The following LCLAT1 variants were observed in gnomAD, a reference collection of about 807,000 sequenced individuals.
LCLAT1 encodes the protein lysocardiolipin acyltransferase 1, also known as 1-AGP acyltransferase 8.
Under a neutral mutation model 30.7 loss-of-function variants are expected in LCLAT1, and 11 were observed. That is an observed-to-expected ratio of 0.36 (90% CI 0.23 to 0.59). The LOEUF is 0.59. Ranked by LOEUF, LCLAT1 falls within the 20% of genes least tolerant of loss-of-function variation. The pLI is 0.77. For missense variants in LCLAT1, 402 were observed against 458.6 expected, an observed-to-expected ratio of 0.88 and a Z score of 1.13; for synonymous variants, 155 against 151.3, an observed-to-expected ratio of 1.02 and a Z score of -0.18.
At chr2:30,562,649 A>G (rs535532160) in intron 4 of LCLAT1, among the ~76,000 whole-genome samples, 197 of 152,326 alleles carry the variant, frequency 1.3e-3, no homozygotes, top group Non-Finnish European at 1.9e-3. Context: ...CATATTATTC[A>G]TACTTGCCAT....
intron 1 of LCLAT1, among the ~76,000 whole-genome samples, chr2:30,461,804 T>C (rs964737862): frequency 4.9e-5 from 7 of 143,900 alleles, no homozygotes; most frequent in Non-Finnish European, 7.6e-5. Context: ...GGAGTCTCGC[T>C]CTGTCGCCCA....
chr2:30,467,790 AT>A (rs1442508664), intron 1 of LCLAT1, among the ~76,000 whole-genome samples: 4 of 151,584 alleles, frequency 2.6e-5, no homozygotes, highest in African/African-American at 9.7e-5. Context: ...GGGTTGTTTG[AT>A]TTTTTTCTTG....
chr2:30,531,940 T>C (rs936037605), intron 2 of LCLAT1, among the ~76,000 whole-genome samples: 3 of 152,188 alleles, frequency 2.0e-5, no homozygotes, highest in African/African-American at 2.4e-5. Context: ...AAATACAGCA[T>C]TGTCAGTTCT....
chr2:30,625,971 C>T (rs1386087739), intron 5 of LCLAT1, among the ~76,000 whole-genome samples: 1 of 152,160 alleles, frequency 6.6e-6, no homozygotes, highest in Non-Finnish European at 1.5e-5. Flanking sequence ...TAAGGGCAAG[C>T]ATTTCTTTTT....
At chr2:30,474,765 C>T (rs761164179) in intron 1 of LCLAT1, among the ~76,000 whole-genome samples, 3 of 151,412 alleles carry the variant, frequency 2.0e-5, no homozygotes, top group Non-Finnish European at 2.9e-5. Flanking sequence ...CCTCCTGGCA[C>T]AGCCTCCTGT....
chr2:30,461,246 A>G (rs1171869622), intron 1 of LCLAT1, among the ~76,000 whole-genome samples: 1 of 152,150 alleles, frequency 6.6e-6, no homozygotes, highest in Non-Finnish European at 1.5e-5. Context: ...ATTGAGTTGA[A>G]TTGTAGGACA....
intron 5 of LCLAT1, among the ~76,000 whole-genome samples, chr2:30,618,317 A>C (rs538026179): frequency 7.9e-5 from 12 of 152,294 alleles, no homozygotes; most frequent in African/African-American, 2.9e-4. Flanking sequence ...ACTAGTTTTT[A>C]TTAGGATTAC....
chr2:30,536,968 C>G (rs970114994), intron 3 of LCLAT1, among the ~76,000 whole-genome samples: 2 of 152,154 alleles, frequency 1.3e-5, no homozygotes, highest in Admixed American at 1.3e-4. Flanking sequence ...ATGCTGCCTG[C>G]AAGAAACTGA....
chr2:30,566,668 G>T (rs991006147), intron 4 of LCLAT1, among the ~76,000 whole-genome samples: 3 of 152,150 alleles, frequency 2.0e-5, no homozygotes, highest in Non-Finnish European at 2.9e-5. Context: ...ATCAATTTCG[G>T]AATGCAGCTG....
intron 4 of LCLAT1, 50 bp from the exon 5 acceptor site, chr2:30,568,010 G>C: frequency 2.1e-6 from 2 of 969,100 alleles, no homozygotes; most frequent in East Asian, 5.0e-5. Flanking sequence ...TCCTTACCTT[G>C]TTTATTTCCC....
intron 2 of LCLAT1, among the ~76,000 whole-genome samples, chr2:30,528,890 A>G (rs778051121): frequency 5.3e-5 from 8 of 152,220 alleles, no homozygotes; most frequent in Non-Finnish European, 1.0e-4. Flanking sequence ...TAGCTAGGTT[A>G]CAGAAAAATT....
intron 1 of LCLAT1, among the ~76,000 whole-genome samples, chr2:30,485,072 A>G (rs1683498501): frequency 6.6e-6 from 1 of 152,166 alleles, no homozygotes; most frequent in African/African-American, 2.4e-5. Context: ...TGGTTTTTGT[A>G]ATATTGTTAA....
intron 5 of LCLAT1, among the ~76,000 whole-genome samples, chr2:30,631,699 G>T (rs1371014699): frequency 6.6e-6 from 1 of 152,176 alleles, no homozygotes; most frequent in East Asian, 1.9e-4. Flanking sequence ...TGTTTTCACT[G>T]AAGAAGCTTG....
intron 1 of LCLAT1, among the ~76,000 whole-genome samples, chr2:30,459,307 C>T (rs1351324533): frequency 3.3e-5 from 5 of 152,132 alleles, no homozygotes; most frequent in Non-Finnish European, 5.9e-5. Context: ...TTCAGCTGCC[C>T]TCTCTCTCTG....
intron 1 of LCLAT1, among the ~76,000 whole-genome samples, chr2:30,493,717 A>G (rs547304855): frequency 4.6e-5 from 7 of 152,250 alleles, no homozygotes; most frequent in South Asian, 4.1e-4. Context: ...TCTTTTTTCT[A>G]TTTCTTTATG....
intron 1 of LCLAT1, among the ~76,000 whole-genome samples, chr2:30,499,370 C>T (rs769222819): frequency 9.2e-5 from 14 of 152,104 alleles, no homozygotes; most frequent in Non-Finnish European, 1.6e-4. Context: ...TTAGTAGAGA[C>T]AGGGTTTCGC....
intron 1 of LCLAT1, among the ~76,000 whole-genome samples, chr2:30,475,625 A>C (rs1373884752): frequency 6.6e-6 from 1 of 152,180 alleles, no homozygotes; most frequent in African/African-American, 2.4e-5. Flanking sequence ...AATAATTTTT[A>C]AATTGGCATG....
At chr2:30,519,968 C>T (rs141167387) in intron 1 of LCLAT1, among the ~76,000 whole-genome samples, 20 of 152,314 alleles carry the variant, frequency 1.3e-4, no homozygotes, top group Admixed American at 2.6e-4. Context: ...GCTTCTGATC[C>T]GGGGAGGTGC....
chr2:30,470,610 T>C (rs1682729771), intron 1 of LCLAT1, among the ~76,000 whole-genome samples: 1 of 152,238 alleles, frequency 6.6e-6, no homozygotes, highest in Non-Finnish European at 1.5e-5. Flanking sequence ...GTTAGGGTTT[T>C]CTCACTGTTA....
Sources: gnomAD v4.1 joint callset for allele counts (sites outside exome capture counted in the v4.1 genomes callset) on GRCh38, gnomAD v4.1.1 for gene constraint, MANE v1.5 for transcripts, NCBI Gene and HGNC (gene_info 2026-07-23, HGNC 2026-07-21) for gene names.